NLGN4X: variants seen among roughly 807,000 people sequenced by gnomAD.
NLGN4X encodes neuroligin-4, X-linked.
In NLGN4X, 3 loss-of-function variants were observed where a neutral mutation model predicts 40.3. The observed-to-expected ratio is 0.07, with a 90% CI of 0.03 to 0.19. The LOEUF (loss-of-function observed/expected upper bound fraction) is 0.19. NLGN4X is among the 10% of genes least tolerant of loss of function. The pLI is 1.00. For synonymous variants in NLGN4X, 270 were observed against 306.8 expected, an observed-to-expected ratio of 0.88 and a Z score of 1.25; for missense variants, 382 against 708.3, an observed-to-expected ratio of 0.54 and a Z score of 5.23.
Position 5,909,250 on chromosome X carries a change from A to C in NLGN4X, c.626-11T>G. On this transcript the variant is annotated splice_polypyrimidine_tract_variant and intron_variant, in intron 3 of 5. Coordinates refer to ENST00000381095, the MANE Select transcript of NLGN4X (RefSeq NM_181332.3). ...CGGTACTTAAAAACCCTACAAAAGA[A>C]CACAAGATATTTTTGGTGGCCAAAT... The C allele has an allele frequency of 8.3e-7, 1 of 1,210,225 alleles. No homozygotes were observed. The highest frequency in any genetic ancestry group is 1.8e-5 in the South Asian group (1 of 56,928).
At chrX:5,900,910 A>T (rs1466705911) in intron 5 of NLGN4X, among the ~76,000 whole-genome samples, 2 of 111,222 alleles carry the variant, frequency 1.8e-5, no homozygotes, top group Admixed American at 1.9e-4. Flanking sequence ...CTCTGATAAC[A>T]GCAGTCCCAA....
intron 2 of NLGN4X, among the ~76,000 whole-genome samples, chrX:6,049,956 A>G (rs751315533): frequency 9.0e-6 from 1 of 111,533 alleles, no homozygotes; most frequent in Admixed American, 9.5e-5. Flanking sequence ...ACTCATGTGC[A>G]TGAATACAAT....
At chrX:5,933,493 A>T (rs1383894463) in intron 3 of NLGN4X, among the ~76,000 whole-genome samples, 4 of 112,067 alleles carry the variant, frequency 3.6e-5, no homozygotes, top group Non-Finnish European at 7.5e-5. Flanking sequence ...TCATATAGAA[A>T]TTGAACAAAA....
intron 3 of NLGN4X, among the ~76,000 whole-genome samples, chrX:5,985,906 T>C (rs1306534771): frequency 1.8e-5 from 2 of 111,935 alleles, no homozygotes; most frequent in Non-Finnish European, 3.8e-5. Context: ...AGGATCACTT[T>C]ATAATGAGAA....
rs866972512 is a variant in NLGN4X, at chrX:6,102,634, T to A, written c.472+48361A>T. On this transcript the variant is annotated intron_variant, in intron 2 of 5. Transcript: ENST00000381095. ...CTGAACTAAGAGAGAGAGAGAGGAT[T>A]GATAGATATATACATACATACATAC... is the stretch of plus-strand genomic sequence containing the variant. 4.9e-4 allele frequency among the ~76,000 whole-genome samples: 30 copies of A among 60,859 alleles called. No individual in the cohort carries two copies. The Admixed American group carries it at 5.6e-3, about 11-fold the overall frequency. The allele number at this position is 60,859 out of a possible 115,157, so 52.8% of individuals were successfully genotyped here. A position where few individuals can be genotyped will look rare whatever the true frequency, so the allele number is the denominator to read the frequency against.
At chrX:6,202,573 A>G (rs1037520973) in intron 1 of NLGN4X, among the ~76,000 whole-genome samples, 2 of 110,332 alleles carry the variant, frequency 1.8e-5, no homozygotes, top group African/African-American at 6.6e-5. Context: ...CCTGAGCTCA[A>G]GCAATCCTGC....
intron 1 of NLGN4X, among the ~76,000 whole-genome samples, chrX:6,211,713 T>C (rs4826713): frequency 0.12 from 12,887 of 111,414 alleles, 595 homozygotes; most frequent in African/African-American, 0.17. Context: ...CAAATATATA[T>C]GTCCATACGT....
chrX:5,921,432 A>G (rs1042153819), intron 3 of NLGN4X, among the ~76,000 whole-genome samples: 1 of 105,773 alleles, frequency 9.5e-6, no homozygotes. Context: ...AGAGAGAGAG[A>G]GAGGAGAGAC....
intron 2 of NLGN4X, among the ~76,000 whole-genome samples, chrX:6,052,555 G>A (rs766046535): frequency 7.2e-5 from 8 of 111,773 alleles, no homozygotes; most frequent in Non-Finnish European, 1.5e-4. Flanking sequence ...CAGTCTGCAC[G>A]GGCATTTGGG....
intron 2 of NLGN4X, among the ~76,000 whole-genome samples, chrX:6,148,859 C>G (rs1459468294): frequency 9.0e-6 from 1 of 111,543 alleles, no homozygotes; most frequent in Admixed American, 9.5e-5. Context: ...AGCAAGCAAC[C>G]AAAAATAAAA....
At chrX:6,090,947 T>C (rs1050531469) in intron 2 of NLGN4X, among the ~76,000 whole-genome samples, 10 of 100,899 alleles carry the variant, frequency 9.9e-5, no homozygotes, top group Admixed American at 4.2e-4. Flanking sequence ...AATACTGTTT[T>C]GTAGGAAAAA....
chrX:6,221,962 T>C (rs1290485876), intron 1 of NLGN4X, among the ~76,000 whole-genome samples: 1 of 111,934 alleles, frequency 8.9e-6, no homozygotes, highest in Non-Finnish European at 1.9e-5. Context: ...TTTTCTGCAC[T>C]TTACAAAAAC....
intron 3 of NLGN4X, among the ~76,000 whole-genome samples, chrX:5,978,365 CTT>C (rs1291285300): frequency 6.3e-5 from 6 of 94,979 alleles, no homozygotes; most frequent in Non-Finnish European, 1.0e-4. Flanking sequence ...CTTTCTTTCT[CTT>C]TCTTCTCTCT....
chrX:6,139,499 T>C (rs1332180226), intron 2 of NLGN4X, among the ~76,000 whole-genome samples: 1 of 112,210 alleles, frequency 8.9e-6, no homozygotes, highest in African/African-American at 3.2e-5. Context: ...TCCGTGCAGC[T>C]AAAGAAGCAA....
Position 5,909,178 on chromosome X carries a change from T to C in NLGN4X, c.687A>G (p.Gln229=), listed in dbSNP as rs2032356827. 2.5e-6 allele frequency: 3 copies of C among 1,211,750 alleles called. No individual in the cohort carries two copies. Among genetic ancestry groups the C allele is most frequent in the Non-Finnish European group, 3.4e-6 (3 of 895,516 alleles). ...CATTCTCCTCAATCCACCGCAGTGC[T>C]TGAATCTGATCCAGGAGCCCATAGT... ...KGNYGLLDQI[Q]ALRWIEENVG... Residue 229 remains glutamine (Q), a synonymous_variant, in exon 4 of 6, where the codon CAA becomes CAG. Coordinates refer to ENST00000381095, the MANE Select transcript of NLGN4X (RefSeq NM_181332.3).
At chrX:6,187,724 A>G (rs919815447) in intron 1 of NLGN4X, 9 of 112,162 alleles carry the variant, frequency 8.0e-5, no homozygotes, top group Non-Finnish European at 1.1e-4. Context: ...TCGCTCCAAC[A>G]TGTCCCTCTT....
chrX:5,890,227 ATT>A lies in NLGN4X; in HGVS notation c.*2588_*2589del. 6.4e-6 allele frequency: 1 copy of A among 157,140 alleles called. No individual in the cohort carries two copies. The highest frequency in any genetic ancestry group is 1.2e-5 in the Non-Finnish European group (1 of 84,695). 13.0% of individuals were successfully genotyped at this position (157,140 alleles called of 1,213,427 possible). A position where few individuals can be genotyped will look rare whatever the true frequency, so the allele number is the denominator to read the frequency against. On this transcript the variant is annotated 3_prime_UTR_variant, in exon 6 of 6. Coordinates refer to ENST00000381095, the MANE Select transcript of NLGN4X (RefSeq NM_181332.3). The stretch of plus-strand genomic sequence containing the variant: ...ATCAAGAGTAAAAGCCTAGGACAGG[ATT>A]TTTTTTTTTCTTACTTTTTTCTCAT...
At chrX:6,131,802 C>A (rs1446805825) in intron 2 of NLGN4X, among the ~76,000 whole-genome samples, 1 of 112,072 alleles carries the variant, frequency 8.9e-6, no homozygotes, top group Non-Finnish European at 1.9e-5. Flanking sequence ...TCTGCACAAG[C>A]ATTTGTTCAA....
intron 2 of NLGN4X, among the ~76,000 whole-genome samples, chrX:6,056,705 G>T (rs930185729): frequency 8.9e-6 from 1 of 112,017 alleles, no homozygotes. Flanking sequence ...GCGTCTTTTA[G>T]TCAGATAGTG....
Sources: gnomAD v4.1 joint callset for allele counts (sites outside exome capture counted in the v4.1 genomes callset) on GRCh38, gnomAD v4.1.1 for gene constraint, MANE v1.5 for transcripts, NCBI Gene and HGNC (gene_info 2026-07-23, HGNC 2026-07-21) for gene names.